Variants in MROH9 observed in about 807,000 individuals in gnomAD.
The protein encoded by MROH9 is maestro heat like repeat family member 9.
Under a neutral mutation model 98.2 loss-of-function variants are expected in MROH9, and 92 were observed. That is an observed-to-expected ratio of 0.94 (90% CI 0.79 to 1.11). The LOEUF (loss-of-function observed/expected upper bound fraction) is 1.11, where lower values mean the gene tolerates loss of function less well. Among genes scored for constraint, MROH9 ranks in the 50% most tolerant of loss-of-function variants. The pLI is 0.00. For missense variants in MROH9, 1,057 were observed against 1,014.8 expected (o/e 1.04, Z -0.57); for synonymous variants, 397 against 368.9 (o/e 1.08, Z -0.87).
At chr1:170,973,328 G>C (rs1218933872) in intron 8 of MROH9, among the ~76,000 whole-genome samples, 2 of 152,048 alleles carry the variant, frequency 1.3e-5, no homozygotes, top group Non-Finnish European at 2.9e-5. Flanking sequence ...CTGTAAGCCA[G>C]AATTTAAAAC....
intron 17 of MROH9, among the ~76,000 whole-genome samples, chr1:171,024,088 T>C (rs1277608082): frequency 6.6e-6 from 1 of 152,202 alleles, no homozygotes; most frequent in Non-Finnish European, 1.5e-5. Flanking sequence ...TTTTATTCTT[T>C]TTTAAGGCTG....
intron 1 of MROH9, among the ~76,000 whole-genome samples, chr1:170,941,607 C>T (rs1649122956): frequency 1.3e-5 from 2 of 152,142 alleles, no homozygotes; most frequent in Non-Finnish European, 2.9e-5. Flanking sequence ...CTCATCTTTC[C>T]ATTGGCTGTT....
intron 10 of MROH9, among the ~76,000 whole-genome samples, chr1:170,988,104 TAAAA>T (rs1401299856): frequency 4.6e-5 from 7 of 152,148 alleles, no homozygotes; most frequent in African/African-American, 1.4e-4. Flanking sequence ...TGAAATTGTT[TAAAA>T]GTTCAAGGTG....
rs10529238 is a variant in MROH9 at position 170,942,368 on chromosome 1, G to GACAC, written c.-37-3113_-37-3110dup. Among the ~76,000 whole-genome samples, 440 of 145,054 alleles carry GACAC rather than the reference G, an allele frequency of 3.0e-3. 2 individuals are homozygous for GACAC. The highest frequency in any genetic ancestry group is 6.2e-3 in the South Asian group (28 of 4,522). On this transcript the variant is annotated intron_variant, in intron 1 of 21. Coordinates refer to ENST00000367759, the MANE Select transcript of MROH9 (RefSeq NM_001163629.2). ...CAGTTTCCTCCGGCAATGTAGAGTA[G>GACAC]ACACACACACACACACACACACACA...
chr1:170,990,456 T>C (rs1028635874), intron 11 of MROH9, among the ~76,000 whole-genome samples: 3 of 152,180 alleles, frequency 2.0e-5, no homozygotes, highest in African/African-American at 4.8e-5. Context: ...TTGGGAGTCC[T>C]GTGTCCTTTA....
In MROH9 at chr1:171,027,265, T is replaced by C. The variant is rs567561911; in HGVS notation, c.2281+1845T>C. 5.3e-5 allele frequency among the ~76,000 whole-genome samples: 8 copies of C among 152,322 alleles called. No individual in the cohort carries two copies. The East Asian group carries it at 1.3e-3, about 26-fold the overall frequency. ...TTCCCCTCCCTTTGTCCATGTGTTC[T>C]TGTTGTTCAACTCCCACTTATGAGT... On this transcript the variant is annotated intron_variant, in intron 20 of 21. Coordinates refer to ENST00000367759, the MANE Select transcript of MROH9 (RefSeq NM_001163629.2).
chr1:171,063,520 G>A (rs767080759), intron 21 of MROH9, among the ~76,000 whole-genome samples: 10 of 152,010 alleles, frequency 6.6e-5, no homozygotes, highest in Non-Finnish European at 1.3e-4. Flanking sequence ...CCGAAGTGCT[G>A]GGATTATAGG....
At chr1:170,959,650 A>G in intron 5 of MROH9, 53 bp downstream of exon 5, 1 of 1,531,114 alleles carries the variant, frequency 6.5e-7, no homozygotes, top group Non-Finnish European at 8.9e-7. Context: ...CATCACAGCA[A>G]TCCTGCAGAA....
At chr1:170,939,635 C>G (rs141707190) in intron 1 of MROH9, among the ~76,000 whole-genome samples, 1 of 152,166 alleles carries the variant, frequency 6.6e-6, no homozygotes, top group Non-Finnish European at 1.5e-5. Flanking sequence ...AAGACCTGCT[C>G]AGGCCTGATC....
intron 9 of MROH9, among the ~76,000 whole-genome samples, chr1:170,984,058 G>A (rs1339730014): frequency 6.6e-6 from 1 of 152,190 alleles, no homozygotes; most frequent in Non-Finnish European, 1.5e-5. Context: ...GAACTGTGAG[G>A]CTCTATAGCC....
At chr1:171,036,769 G>A (rs1163283630) in intron 20 of MROH9, among the ~76,000 whole-genome samples, 1 of 147,002 alleles carries the variant, frequency 6.8e-6, no homozygotes. Flanking sequence ...ACACTCACCA[G>A]AATAGATGAA....
At chr1:171,043,316 A>G (rs944551715) in intron 20 of MROH9, among the ~76,000 whole-genome samples, 10 of 152,064 alleles carry the variant, frequency 6.6e-5, no homozygotes, top group African/African-American at 2.4e-4. Context: ...TGGGTTCTCT[A>G]TTCTGTTCCA....
At chr1:171,003,706 T>C (rs1651858584) in intron 15 of MROH9, among the ~76,000 whole-genome samples, 2 of 152,286 alleles carry the variant, frequency 1.3e-5, no homozygotes, top group South Asian at 2.1e-4. Context: ...GCTCTATTTT[T>C]GTGCTGGTTG....
At chr1:171,046,033 A>ATG (rs1157666295) in intron 20 of MROH9, among the ~76,000 whole-genome samples, 1 of 152,090 alleles carries the variant, frequency 6.6e-6, no homozygotes, top group Non-Finnish European at 1.5e-5. Context: ...TGACCCTTTT[A>ATG]TCATTATATA....
rs76260475 is a variant in MROH9 at position 171,026,243 on chromosome 1, A to T, written c.2281+823A>T. Among the ~76,000 whole-genome samples the T allele has an allele frequency of 8.3e-3, 1,262 of 151,224 alleles. 14 individuals are homozygous for T. The highest frequency in any genetic ancestry group is 0.029 in the African/African-American group (1,204 of 41,146). On this transcript the variant is annotated intron_variant, in intron 20 of 21. Coordinates refer to ENST00000367759, the MANE Select transcript of MROH9 (RefSeq NM_001163629.2). ...CACACACACACCCTCACAAAGAAAA[A>T]TCCTGTGTTATCATAACTTTCTGTC... is the stretch of plus-strand genomic sequence containing the variant.
At chr1:171,008,110 A>G (rs1010135269) in intron 15 of MROH9, among the ~76,000 whole-genome samples, 1 of 152,186 alleles carries the variant, frequency 6.6e-6, no homozygotes, top group Non-Finnish European at 1.5e-5. Context: ...ATGGATTTTC[A>G]TAGAAATGCT....
chr1:171,033,560 T>G (rs1490612551), intron 20 of MROH9, among the ~76,000 whole-genome samples: 3 of 152,168 alleles, frequency 2.0e-5, no homozygotes, highest in African/African-American at 7.2e-5. Flanking sequence ...CTGTTCTTCC[T>G]TCTCTCTGTG....
intron 3 of MROH9, among the ~76,000 whole-genome samples, chr1:170,951,638 C>A (rs1649555488): frequency 6.6e-6 from 1 of 152,060 alleles, no homozygotes; most frequent in Non-Finnish European, 1.5e-5. Context: ...GAAGAGCCTG[C>A]AGGGAAAGAC....
chr1:171,014,161 G>A lies in MROH9; in HGVS notation c.1641G>A (p.Leu547=), dbSNP rs764530485. The change falls in exon 16 of 22, where the codon TTG becomes TTA. Residue 547 remains leucine, a synonymous_variant. Transcript: ENST00000367759. ...AGGACCCTTTACCAGAAGAATTTTT[G>A]GTCCTCTTCATAAACTGGATCAATG... ...FFKDPLPEEF[L]VLFINWINDS... is the part of the protein sequence containing the mutation. 1.3e-6 allele frequency: 2 copies of A among 1,550,536 alleles called. No homozygotes were observed. Among genetic ancestry groups the A allele is most frequent in the Admixed American group, 3.9e-5 (2 of 50,952 alleles).
Sources: gnomAD v4.1 joint callset for allele counts (sites outside exome capture counted in the v4.1 genomes callset) on GRCh38, gnomAD v4.1.1 for gene constraint, MANE v1.5 for transcripts, NCBI Gene and HGNC (gene_info 2026-07-23, HGNC 2026-07-21) for gene names.